MASP1: variants seen among roughly 807,000 people sequenced by gnomAD.
The protein encoded by MASP1 is MBL associated serine protease 1, also known as mannan-binding lectin serine protease 1.
MASP1 carries 59 observed loss-of-function variants against 77.1 expected under a neutral mutation model. The observed-to-expected ratio is 0.77, with a 90% CI of 0.62 to 0.95. MASP1 has a LOEUF of 0.95. Among genes scored for constraint, MASP1 ranks in the 40% least tolerant of loss-of-function variants. The pLI is 0.00. For synonymous variants in MASP1, 362 were observed against 354.5 expected, an observed-to-expected ratio of 1.02 and a Z score of -0.24; for missense variants, 885 against 912.9, an observed-to-expected ratio of 0.97 and a Z score of 0.39.
downstream of MASP1, among the ~76,000 whole-genome samples, chr3:187,233,464 G>A (rs1203792401): frequency 6.6e-6 from 1 of 152,148 alleles, no homozygotes; most frequent in East Asian, 1.9e-4. Context: ...CCCTCCAGCT[G>A]TATGATATAG....
chr3:187,255,199 A>T (rs958783649), intron 5 of MASP1, among the ~76,000 whole-genome samples: 1 of 152,228 alleles, frequency 6.6e-6, no homozygotes, highest in African/African-American at 2.4e-5. Flanking sequence ...TAGCAGCAGC[A>T]GAAGTCAGGG....
intron 2 of MASP1, among the ~76,000 whole-genome samples, chr3:187,275,268 G>T (rs1030982107): frequency 1.3e-5 from 2 of 152,214 alleles, no homozygotes; most frequent in African/African-American, 4.8e-5. Context: ...GATGAGGCTT[G>T]TGCTGAGTGG....
exon 16 of MASP1, chr3:187,220,093 C>G: frequency 6.2e-7 from 1 of 1,613,890 alleles, no homozygotes. Flanking sequence ...TCCGGTGACC[C>G]TCTGGATCCA....
At chr3:187,272,734 G>A (rs1716626581) in intron 2 of MASP1, among the ~76,000 whole-genome samples, 1 of 152,168 alleles carries the variant, frequency 6.6e-6, no homozygotes, top group Non-Finnish European at 1.5e-5. Context: ...CCCCTCTGGA[G>A]CCCTCAGAAG....
At chr3:187,228,629 G>A (rs564056907) in intron 11 of MASP1, among the ~76,000 whole-genome samples, 28 of 151,888 alleles carry the variant, frequency 1.8e-4, no homozygotes, top group African/African-American at 6.5e-4. Flanking sequence ...GTCTCTCTCT[G>A]TCCTCTCCAT....
downstream of MASP1, chr3:187,229,758 A>G (rs779545674): frequency 6.8e-6 from 11 of 1,613,824 alleles, no homozygotes; most frequent in Admixed American, 5.0e-5. Flanking sequence ...CCTTCTCCCT[A>G]CCTAGAAGGG....
rs948944007 is a variant in MASP1, at chr3:187,236,515, C to A, written c.1356G>T (p.Gly452=). 2 of 1,613,884 alleles carry A rather than the reference C, an allele frequency of 1.2e-6. No homozygotes were observed. Among genetic ancestry groups the A allele is most frequent in the African/African-American group, 2.7e-5 (2 of 74,920 alleles). ...AGAGGCCAGGCTCAGCATTTCGGCCCCCAATGATCCTCTTGACCAGGCTTG... is the reference window on the plus strand; with the variant it reads ...AGAGGCCAGGCTCAGCATTTCGGCCACCAATGATCCTCTTGACCAGGCTTG... ...SLPSLVKRII[G]GRNAEPGLFP... Residue 452 remains glycine, a synonymous_variant, in exon 11 of 11, where the codon GGG becomes GGT. Coordinates refer to ENST00000296280, the MANE Select transcript of MASP1 (RefSeq NM_139125.4).
At chr3:187,249,934 C>A (rs542983828) in intron 8 of MASP1, among the ~76,000 whole-genome samples, 1 of 152,328 alleles carries the variant, frequency 6.6e-6, no homozygotes, top group Non-Finnish European at 1.5e-5. Context: ...CCTGAATTAG[C>A]AATTGCCAAA....
chr3:187,236,162 A>G lies in MASP1; in HGVS notation c.1709T>C (p.Met570Thr), dbSNP rs558199772. 2 of 1,614,036 alleles carry G rather than the reference A, an allele frequency of 1.2e-6. No homozygotes were observed. Among genetic ancestry groups the G allele is most frequent in the South Asian group, 2.2e-5 (2 of 91,080 alleles). ...QEPVPLGPHVMPVCLPRLEPE... is the reference protein window; with the variant it reads ...QEPVPLGPHVTPVCLPRLEPE... ...CTCAAGCCTTGGCAGGCAGACAGGC[A>G]TAACGTGGGGTCCCAGGGGCACAGG... The change falls in exon 11 of 11, where the codon ATG becomes ACG. Residue 570 changes from methionine (M) to threonine (T), a missense_variant. Met to Thr is a moderately conservative substitution (Grantham distance 81, BLOSUM62 -1). Transcript: ENST00000296280.
At chr3:187,220,884 T>C (rs947029865) in intron 15 of MASP1, 2 of 669,756 alleles carry the variant, frequency 3.0e-6, no homozygotes, top group Non-Finnish European at 5.4e-6. Flanking sequence ...CATCTTCTCC[T>C]GTGGAATCCC....
intron 8 of MASP1, chr3:187,243,941 C>T: frequency 2.6e-6 from 1 of 385,136 alleles, no homozygotes. Context: ...GGGCCTCTTT[C>T]TTTTACTTCT....
chr3:187,284,621 G>A (rs924500567), intron 2 of MASP1, among the ~76,000 whole-genome samples: 4 of 152,314 alleles, frequency 2.6e-5, no homozygotes, highest in South Asian at 2.1e-4. Context: ...GCCTTTGTAT[G>A]CCTCTGCTGT....
At chr3:187,221,117 A>G (rs373775085) in exon 15 of MASP1, 1 of 1,613,796 alleles carries the variant, frequency 6.2e-7, no homozygotes, top group African/African-American at 1.3e-5. Flanking sequence ...TGCTGTGGTC[A>G]ACAATCGGGA....
exon 16 of MASP1, chr3:187,219,665 T>G: frequency 3.8e-6 from 1 of 264,160 alleles, no homozygotes; most frequent in South Asian, 4.6e-5. Flanking sequence ...CACATCGACC[T>G]TCTGCTAAGG....
chr3:187,263,616 G>A (rs1715786945), intron 2 of MASP1, among the ~76,000 whole-genome samples: 1 of 152,160 alleles, frequency 6.6e-6, no homozygotes, highest in Non-Finnish European at 1.5e-5. Flanking sequence ...TGTTTAATAG[G>A]CAGTCTTAAT....
chr3:187,242,025 T>A, intron 9 of MASP1: 1 of 179,360 alleles, frequency 5.6e-6, no homozygotes, highest in South Asian at 1.3e-4. Context: ...CACCCCACGC[T>A]GCCCAGGTCC....
At chr3:187,271,860 G>A (rs768106448) in intron 2 of MASP1, among the ~76,000 whole-genome samples, 4 of 152,112 alleles carry the variant, frequency 2.6e-5, no homozygotes, top group East Asian at 1.9e-4. Flanking sequence ...AGAACATGGC[G>A]TGGGAACTCC....
At chr3:187,223,154 C>T in exon 14 of MASP1, 1 of 1,614,146 alleles carries the variant, frequency 6.2e-7, no homozygotes, top group Non-Finnish European at 8.5e-7. Flanking sequence ...GGAACCTTTG[C>T]AAGAACTGCT....
At chr3:187,273,132 T>C (rs140799066) in intron 2 of MASP1, among the ~76,000 whole-genome samples, 1 of 152,234 alleles carries the variant, frequency 6.6e-6, no homozygotes, top group African/African-American at 2.4e-5. Flanking sequence ...TTGGAGAACA[T>C]TAAGAAGCTG....
Sources: gnomAD v4.1 joint callset for allele counts (sites outside exome capture counted in the v4.1 genomes callset) on GRCh38, gnomAD v4.1.1 for gene constraint, MANE v1.5 for transcripts, NCBI Gene and HGNC (gene_info 2026-07-23, HGNC 2026-07-21) for gene names.